HIVEP3: variants seen among roughly 807,000 people sequenced by gnomAD.
The protein encoded by HIVEP3 is HIVEP zinc finger 3.
A neutral mutation model predicts 152.8 loss-of-function variants in HIVEP3; 49 were observed. The ratio of observed to expected loss-of-function variants is 0.32; its 90% CI spans 0.26 to 0.41. The LOEUF (loss-of-function observed/expected upper bound fraction) is 0.41, where lower values mean the gene tolerates loss of function less well. HIVEP3 is among the 10% of genes least tolerant of loss of function. The probability of loss-of-function intolerance (pLI) is 1.00; values close to 1 mark genes in which losing one functional copy is unlikely to be tolerated. For missense variants in HIVEP3, 2,790 were observed against 3,103.3 expected, an observed-to-expected ratio of 0.90 and a Z score of 2.40; for synonymous variants, 1,269 against 1,289.0, an observed-to-expected ratio of 0.98 and a Z score of 0.33.
At chr1:41,622,283 C>A (rs925953973) in intron 3 of HIVEP3, among the ~76,000 whole-genome samples, 1 of 152,114 alleles carries the variant, frequency 6.6e-6, no homozygotes, top group Non-Finnish European at 1.5e-5. Flanking sequence ...AGTAAAGGTC[C>A]TAATGCCATG....
At chr1:41,751,324 A>ATTTT (rs35864189) in intron 1 of HIVEP3, among the ~76,000 whole-genome samples, 1,844 of 104,476 alleles carry the variant, frequency 0.018, 163 homozygotes, top group Middle Eastern at 0.024. Flanking sequence ...ACTGACACAC[A>ATTTT]TTTTTTTTTT....
At chr1:41,781,944 A>T (rs896223547) in intron 1 of HIVEP3, among the ~76,000 whole-genome samples, 2 of 152,092 alleles carry the variant, frequency 1.3e-5, no homozygotes, top group Non-Finnish European at 2.9e-5. Flanking sequence ...TCAGCCTTCC[A>T]CCCATACCAG....
chr1:41,700,589 C>T (rs182250040), intron 2 of HIVEP3, among the ~76,000 whole-genome samples: 27 of 152,306 alleles, frequency 1.8e-4, no homozygotes, highest in Non-Finnish European at 5.9e-5. Context: ...CCTCACTTTG[C>T]AGACAAGGAA....
intron 1 of HIVEP3, among the ~76,000 whole-genome samples, chr1:41,885,266 C>T (rs1387558383): frequency 6.6e-6 from 1 of 152,174 alleles, no homozygotes; most frequent in East Asian, 1.9e-4. Flanking sequence ...CCGTTTCCTG[C>T]TCTCCAGCCC....
At chr1:41,525,454 G>A (rs1477128788) in intron 5 of HIVEP3, among the ~76,000 whole-genome samples, 2 of 152,182 alleles carry the variant, frequency 1.3e-5, no homozygotes, top group Non-Finnish European at 1.5e-5. Context: ...ATAGCCAGAA[G>A]GGGCCAGAAT....
At chr1:41,729,539 G>C (rs1438831610) in intron 1 of HIVEP3, among the ~76,000 whole-genome samples, 2 of 152,162 alleles carry the variant, frequency 1.3e-5, no homozygotes, top group Non-Finnish European at 2.9e-5. Context: ...TATTCTGAAT[G>C]GGTCCCCGTT....
At chr1:41,674,260 G>A (rs748425986) in intron 2 of HIVEP3, among the ~76,000 whole-genome samples, 2 of 152,252 alleles carry the variant, frequency 1.3e-5, no homozygotes, top group Admixed American at 6.5e-5. Flanking sequence ...GGGTGAAGAG[G>A]AAGGAGGCAT....
At chr1:41,737,230 C>T (rs1045935051) in intron 1 of HIVEP3, among the ~76,000 whole-genome samples, 2 of 152,168 alleles carry the variant, frequency 1.3e-5, no homozygotes, top group African/African-American at 4.8e-5. Context: ...CTGGTTTCCT[C>T]ATCTGCAAAC....
intron 5 of HIVEP3, among the ~76,000 whole-genome samples, chr1:41,529,355 CCA>C (rs1253430540): frequency 7.0e-6 from 1 of 142,074 alleles, no homozygotes; most frequent in East Asian, 2.2e-4. Context: ...GCTGACACCC[CCA>C]CACTCACACG....
chr1:41,513,837 C>T (rs1642525015), intron 7 of HIVEP3, 87 bp from the exon 8 acceptor site: 2 of 1,186,222 alleles, frequency 1.7e-6, no homozygotes, highest in East Asian at 2.8e-5. Flanking sequence ...CCCCAGTTTC[C>T]TTGCCTGCTG....
intron 1 of HIVEP3, among the ~76,000 whole-genome samples, chr1:41,731,734 C>T (rs1646843144): frequency 6.6e-6 from 1 of 152,216 alleles, no homozygotes; most frequent in African/African-American, 2.4e-5. Flanking sequence ...GGGAGTCTTC[C>T]AGCCCCAATC....
intron 1 of HIVEP3, among the ~76,000 whole-genome samples, chr1:41,867,691 C>T (rs547417043): frequency 6.6e-6 from 1 of 152,348 alleles, no homozygotes; most frequent in African/African-American, 2.4e-5. Context: ...CCTGCCCATA[C>T]TCATGCGACC....
At chr1:41,578,347 T>G (rs1458370325) in intron 4 of HIVEP3, among the ~76,000 whole-genome samples, 1 of 152,186 alleles carries the variant, frequency 6.6e-6, no homozygotes, top group Non-Finnish European at 1.5e-5. Flanking sequence ...GAAGAGGAAA[T>G]TAGCAGGACA....
intron 5 of HIVEP3, among the ~76,000 whole-genome samples, chr1:41,550,536 T>C (rs911233485): frequency 2.0e-5 from 3 of 152,242 alleles, no homozygotes; most frequent in African/African-American, 7.2e-5. Context: ...TTGTGTCCTG[T>C]TTTATTTCAT....
chr1:41,677,424 T>C (rs1175752147), intron 2 of HIVEP3, among the ~76,000 whole-genome samples: 1 of 152,234 alleles, frequency 6.6e-6, no homozygotes, highest in Non-Finnish European at 1.5e-5. Flanking sequence ...GCACCAGCGG[T>C]GTGACATTGA....
chr1:41,734,339 A>C (rs1393580414), intron 1 of HIVEP3, among the ~76,000 whole-genome samples: 1 of 152,238 alleles, frequency 6.6e-6, no homozygotes, highest in Admixed American at 6.5e-5. Context: ...AGGTTAACTA[A>C]AGAACCAGCT....
intron 1 of HIVEP3, among the ~76,000 whole-genome samples, chr1:41,861,685 C>A (rs184667747): frequency 6.6e-6 from 1 of 152,056 alleles, no homozygotes; most frequent in Non-Finnish European, 1.5e-5. Context: ...GAGATGAGAG[C>A]GTTGATAGGA....
In HIVEP3 at chr1:41,511,353, G is replaced by A. The variant is rs1035193229; in HGVS notation, c.6406-87C>T. 31 of 1,209,204 alleles carry A rather than the reference G, an allele frequency of 2.6e-5. No homozygotes were observed. The highest frequency in any genetic ancestry group is 5.2e-5 in the East Asian group (2 of 38,362). The allele number at this position is 1,209,204 out of a possible 1,614,324, so 74.9% of individuals were successfully genotyped here. A position where few individuals can be genotyped will look rare whatever the true frequency, so the allele number is the denominator to read the frequency against. On this transcript the variant is annotated intron_variant, in intron 8 of 8. Transcript: ENST00000372583. The surrounding 1 kb of genome is among the most constrained non-coding windows in gnomAD (Gnocchi z 4.9). ...AGGCCTGGAAGTGGGAGGGGGACTC[G>A]CCCAAGATCACAGAGCGAGTCCAGG...
chr1:42,030,564 C>T (rs1234353652), intron 1 of HIVEP3, among the ~76,000 whole-genome samples: 1 of 127,030 alleles, frequency 7.9e-6, no homozygotes, highest in East Asian at 2.9e-4. Context: ...TACTTTCCCA[C>T]CAAGAAGAGC....
Sources: allele counts gnomAD v4.1 joint callset (sites outside exome capture counted in the v4.1 genomes callset), GRCh38; gene constraint gnomAD v4.1.1; non-coding constraint Gnocchi (gnomAD v3.1); transcripts MANE v1.5; gene names NCBI Gene and HGNC (gene_info 2026-07-23, HGNC 2026-07-21).